The following WT1 variants were observed in gnomAD, a reference collection of about 807,000 sequenced individuals.
WT1 encodes the protein Wilms tumor protein.
In WT1, 8 loss-of-function variants were observed where a neutral mutation model predicts 60.8. The observed-to-expected ratio is 0.13, with a 90% CI of 0.08 to 0.24. The LOEUF is 0.24. Ranked by LOEUF, WT1 falls within the 10% of genes least tolerant of loss-of-function variation. WT1 has a pLI of 1.00. For synonymous variants in WT1, 312 were observed against 297.1 expected, an observed-to-expected ratio of 1.05 and a Z score of -0.52; for missense variants, 568 against 711.8, an observed-to-expected ratio of 0.80 and a Z score of 2.30.
chr11:32,420,994 A>C lies in WT1; in HGVS notation c.888-3340T>G, dbSNP rs114406139. Among the ~76,000 whole-genome samples the C allele has an allele frequency of 3.4e-3, 523 of 152,316 alleles. 3 individuals carry two copies. Among genetic ancestry groups the C allele is most frequent in the African/African-American group, 0.012 (494 of 41,570 alleles). ...TTCCTGAGGCCAGAGATAGGATCAG[A>C]GCACAGTTTTAACCACATCCTGCCT... On this transcript the variant is annotated intron_variant, in intron 3 of 9. Transcript: ENST00000452863.
chr11:32,410,177 T>A (rs1355975599), intron 5 of WT1, among the ~76,000 whole-genome samples: 1 of 152,164 alleles, frequency 6.6e-6, no homozygotes, highest in Non-Finnish European at 1.5e-5. Context: ...GTGATCCACC[T>A]GCCTCGGCCT....
intron 5 of WT1, among the ~76,000 whole-genome samples, chr11:32,415,374 C>G (rs1852632922): frequency 6.6e-6 from 1 of 152,186 alleles, no homozygotes; most frequent in Non-Finnish European, 1.5e-5. Flanking sequence ...AAAGGCCAGG[C>G]ACGGTGGCTC....
chr11:32,396,932 A>G (rs1415814044), intron 6 of WT1, among the ~76,000 whole-genome samples: 3 of 152,210 alleles, frequency 2.0e-5, no homozygotes, highest in Non-Finnish European at 2.9e-5. Context: ...AACAAGGAAG[A>G]AGAAGCCCCT....
In WT1 at chr11:32,434,593, C is replaced by G. The variant is rs1369730453; in HGVS notation, c.661+107G>C. On this transcript the variant is annotated intron_variant, in intron 1 of 9. Transcript: ENST00000452863. The stretch of plus-strand genomic sequence containing the variant: ...TATCCTCACGGCCCTTGGGAAGCAG[C>G]TGGGTAAGAGCTGCGGTCAAAAGGG... 17 of 1,568,722 alleles carry G rather than the reference C, an allele frequency of 1.1e-5. No homozygotes were observed. In the East Asian group the frequency reaches 1.2e-4, roughly 11 times the overall value.
At position 32,435,307 on chromosome 11, in the gene WT1, C is replaced by T. The variant is rs1409626312; in HGVS notation, c.54G>A (p.Ala18=). 5.0e-5 allele frequency: 76 copies of T among 1,532,848 alleles called. No homozygotes were observed. The highest frequency in any genetic ancestry group is 6.5e-5 in the Non-Finnish European group (75 of 1,146,304). The allele number at this position is 1,532,848 out of a possible 1,614,324, so 95.0% of individuals were successfully genotyped here. Residue 18 remains alanine, a synonymous_variant, in exon 1 of 10, where the codon GCG becomes GCA. Transcript: ENST00000452863. ...GCCCGGAGCGGAGCGTGTGCTGAGA[C>T]GCCGGCTCCGGGACACACGTGGAAG...
intron 5 of WT1, among the ~76,000 whole-genome samples, chr11:32,402,486 G>C (rs1590349341): frequency 6.6e-6 from 1 of 152,258 alleles, no homozygotes. Flanking sequence ...CTCAAAGGCT[G>C]TGAAGAGAAG....
At chr11:32,412,623 A>G (rs1852537137) in intron 5 of WT1, among the ~76,000 whole-genome samples, 2 of 151,786 alleles carry the variant, frequency 1.3e-5, no homozygotes, top group South Asian at 4.2e-4. Context: ...AATAGAAAGC[A>G]GATAACACAA....
chr11:32,428,677 T>C (rs1047508404), intron 1 of WT1, 58 bp from the exon 2 acceptor site: 131 of 1,583,204 alleles, frequency 8.3e-5, no homozygotes, highest in Non-Finnish European at 1.1e-4. Flanking sequence ...GACGGGGCAG[T>C]GGGTCTGAAC....
At chr11:32,395,636 A>G (rs1590337504) in intron 7 of WT1, among the ~76,000 whole-genome samples, 2 of 151,930 alleles carry the variant, frequency 1.3e-5, no homozygotes, top group South Asian at 4.2e-4. Context: ...TCATTTTTGT[A>G]TTTTTAGTAG....
chr11:32,409,089 T>C (rs1359343050), intron 5 of WT1, among the ~76,000 whole-genome samples: 1 of 152,194 alleles, frequency 6.6e-6, no homozygotes, highest in Non-Finnish European at 1.5e-5. Context: ...CAGATCTTAT[T>C]TGGGGAATGA....
intron 1 of WT1, among the ~76,000 whole-genome samples, chr11:32,432,161 G>A (rs1853334131): frequency 1.3e-5 from 2 of 152,256 alleles, no homozygotes; most frequent in Admixed American, 1.3e-4. Context: ...TGCTTGTGAA[G>A]TTTTGGGCGG....
Position 32,425,180 on chromosome 11 carries a change from GAAA to G in WT1, c.887+2773_887+2775del, listed in dbSNP as rs10540778. ...CGACAGAGTGAGACTGTCTCGAAAA[GAAA>G]AAAAAAAAAAAAAAAAGACTGGGGA... On this transcript the variant is annotated intron_variant, in intron 3 of 9. Transcript: ENST00000452863. Among the ~76,000 whole-genome samples the G allele has an allele frequency of 1.2e-3, 141 of 119,272 alleles. 1 individual carries two copies. The Middle Eastern group carries it at 0.013, about 11-fold the overall frequency. 78.2% of individuals were successfully genotyped at this position (119,272 alleles called of 152,430 possible).
At chr11:32,420,816 C>T (rs1307538817) in intron 3 of WT1, among the ~76,000 whole-genome samples, 1 of 152,186 alleles carries the variant, frequency 6.6e-6, no homozygotes, top group East Asian at 1.9e-4. Context: ...CTTCAGCTCA[C>T]TAAGGGCAGA....
At chr11:32,425,323 A>C (rs1294923158) in intron 3 of WT1, among the ~76,000 whole-genome samples, 1 of 141,922 alleles carries the variant, frequency 7.0e-6, no homozygotes, top group East Asian at 1.9e-4. Context: ...CCCAAACTTT[A>C]GAGAGAAAAA....
At chr11:32,424,203 G>A (rs1852949907) in intron 3 of WT1, among the ~76,000 whole-genome samples, 1 of 150,166 alleles carries the variant, frequency 6.7e-6, no homozygotes, top group Admixed American at 6.7e-5. Flanking sequence ...CTATACAAGG[G>A]GAGTAATCAG....
rs115598015 is a variant in WT1 at position 32,423,701 on chromosome 11, C to A, written c.887+4255G>T. On this transcript the variant is annotated intron_variant, in intron 3 of 9. Transcript: ENST00000452863. ...AACTGTGTCACACTGGGGAAATTTA[C>A]TTCTCAGGGCCTGAGTTTCCTCCTC... 6.1e-3 allele frequency among the ~76,000 whole-genome samples: 925 copies of A among 152,350 alleles called. 10 individuals carry two copies. The highest frequency in any genetic ancestry group is 0.021 in the African/African-American group (878 of 41,590).
intron 2 of WT1, 79 bp downstream of exon 2, chr11:32,428,418 G>A (rs2133074516): frequency 6.2e-7 from 1 of 1,606,404 alleles, no homozygotes; most frequent in Non-Finnish European, 8.5e-7. Context: ...CTAATTTGCT[G>A]TGGGTTAGGA....
At chr11:32,417,690 C>A (rs1852721813) in intron 3 of WT1, 36 bp from the exon 4 acceptor site, 1 of 1,550,026 alleles carries the variant, frequency 6.5e-7, no homozygotes, top group South Asian at 1.1e-5. Flanking sequence ...AAACACATAA[C>A]CACAAAATAA....
At chr11:32,419,526 T>C (rs1432260215) in intron 3 of WT1, among the ~76,000 whole-genome samples, 1 of 152,084 alleles carries the variant, frequency 6.6e-6, no homozygotes, top group Non-Finnish European at 1.5e-5. Flanking sequence ...ACTCAGAAAA[T>C]CATAATTTTC....
Sources: gnomAD v4.1 joint callset for allele counts (sites outside exome capture counted in the v4.1 genomes callset) on GRCh38, gnomAD v4.1.1 for gene constraint, MANE v1.5 for transcripts, NCBI Gene and HGNC (gene_info 2026-07-23, HGNC 2026-07-21) for gene names.